Variants in CBFA2T2 observed in about 807,000 individuals in gnomAD.
CBFA2T2 encodes the protein protein CBFA2T2.
CBFA2T2 carries 11 observed loss-of-function variants against 62.2 expected under a neutral mutation model. That is an observed-to-expected ratio of 0.18 (90% CI 0.11 to 0.29). The LOEUF (loss-of-function observed/expected upper bound fraction) is 0.29. Ranked by LOEUF, CBFA2T2 falls within the 10% of genes least tolerant of loss-of-function variation. The pLI is 1.00. For missense variants in CBFA2T2, 592 were observed against 774.1 expected (o/e 0.76, Z 2.79); for synonymous variants, 295 against 287.5 (o/e 1.03, Z -0.27).
At chr20:33,602,451 A>C (rs928792676) in intron 1 of CBFA2T2, among the ~76,000 whole-genome samples, 4 of 151,210 alleles carry the variant, frequency 2.6e-5, no homozygotes, top group Non-Finnish European at 4.4e-5. Context: ...AAAAAAAAAA[A>C]AACTCAAAAG....
At chr20:33,499,459 G>A (rs1018744028) in intron 1 of CBFA2T2, among the ~76,000 whole-genome samples, 1 of 152,180 alleles carries the variant, frequency 6.6e-6, no homozygotes, top group Non-Finnish European at 1.5e-5. Context: ...TTACATGTGC[G>A]ACATGAGCTA....
intron 1 of CBFA2T2, among the ~76,000 whole-genome samples, chr20:33,515,794 T>G (rs1301901265): frequency 1.3e-5 from 1 of 74,632 alleles, no homozygotes; most frequent in East Asian, 4.4e-4. Context: ...AGAGGGAGAC[T>G]CCATCTCAAA....
chr20:33,522,091 G>T (rs1043300618), intron 1 of CBFA2T2, among the ~76,000 whole-genome samples: 1 of 152,020 alleles, frequency 6.6e-6, no homozygotes, highest in African/African-American at 2.4e-5. Context: ...CAGGTTCCAT[G>T]CACTGAAGAA....
chr20:33,623,253 C>T lies in CBFA2T2; in HGVS notation c.649C>T (p.Leu217Phe), dbSNP rs977767830. The change falls in exon 5 of 11, where the codon CTC (leucine) becomes TTC (phenylalanine). Residue 217 changes from leucine (L) to phenylalanine (F), a missense_variant. This residue lies in a region of CBFA2T2 where 449 missense variants were observed against 551.2 expected (regional missense o/e 0.81). Transcript: ENST00000342704. ...IASPADSSEL[L>F]MEVHGNGKRP... is the part of the protein sequence containing the mutation. The stretch of plus-strand genomic sequence containing the variant: ...ATCGCCTGCTGACTCGTCAGAGTTG[C>T]TCATGGAGGTGCACGGAAATGGGAA... 6.2e-7 allele frequency: 1 copy of T among 1,614,220 alleles called. No individual in the cohort carries two copies. The highest frequency in any genetic ancestry group is 1.3e-5 in the African/African-American group (1 of 75,060).
chr20:33,523,031 G>A (rs1600926414), intron 1 of CBFA2T2, among the ~76,000 whole-genome samples: 1 of 152,146 alleles, frequency 6.6e-6, no homozygotes, highest in South Asian at 2.1e-4. Context: ...TTGGCTAGTT[G>A]TATACTTATC....
chr20:33,514,213 T>G (rs1046092967), intron 1 of CBFA2T2, among the ~76,000 whole-genome samples: 4 of 125,682 alleles, frequency 3.2e-5, no homozygotes, highest in African/African-American at 8.9e-5. Context: ...TTTGTTTTTT[T>G]TTTTTTTTTT....
intron 1 of CBFA2T2, among the ~76,000 whole-genome samples, chr20:33,581,243 G>C (rs1043649205): frequency 6.6e-6 from 1 of 152,088 alleles, no homozygotes; most frequent in Non-Finnish European, 1.5e-5. Flanking sequence ...ATTTTTAGTA[G>C]AGATGGGGTT....
rs1194371966 is a variant in CBFA2T2 at position 33,611,103 on chromosome 20, G to T, written c.188G>T (p.Gly63Val). ...TTTGGCTTTCTTTTAGTAAGCAATG[G>T]CATCAACCATTCTCCTCCTACCCTG... is the stretch of plus-strand genomic sequence containing the variant. ...VSFTPTALSNGINHSPPTLNG... is the reference protein window; with the variant it reads ...VSFTPTALSNVINHSPPTLNG... The change falls in exon 3 of 11, where the codon GGC (glycine) becomes GTC (valine). Residue 63 changes from glycine to valine, a missense_variant. Coordinates refer to ENST00000342704, the MANE Select transcript of CBFA2T2 (RefSeq NM_001032999.3). The T allele has an allele frequency of 1.9e-6, 3 of 1,613,954 alleles. No homozygotes were observed.
chr20:33,590,425 T>A, intron 1 of CBFA2T2, among the ~76,000 whole-genome samples: 1 of 152,212 alleles, frequency 6.6e-6, no homozygotes, highest in Middle Eastern at 3.4e-3. Context: ...CATCTAGCTT[T>A]GTTTTTTTTT....
chr20:33,611,408 A>G, intron 3 of CBFA2T2, 73 bp downstream of exon 3: 1 of 1,563,012 alleles, frequency 6.4e-7, no homozygotes, highest in Non-Finnish European at 8.7e-7. Context: ...AAAGTTCTAG[A>G]TATTTCTGCT....
intron 1 of CBFA2T2, among the ~76,000 whole-genome samples, chr20:33,565,801 C>T (rs755271747): frequency 6.6e-6 from 1 of 152,080 alleles, no homozygotes; most frequent in Non-Finnish European, 1.5e-5. Context: ...ATTTTCATAG[C>T]GAGGGTCCTT....
In CBFA2T2 at chr20:33,513,365, G is replaced by T. The variant is rs111578137; in HGVS notation, c.34+23064G>T. Among the ~76,000 whole-genome samples, 302 of 143,594 alleles carry T rather than the reference G, an allele frequency of 2.1e-3. 2 individuals carry two copies. The highest frequency in any genetic ancestry group is 3.7e-3 in the Non-Finnish European group (239 of 65,106). The allele number at this position is 143,594 out of a possible 152,430, so 94.2% of individuals were successfully genotyped here. ...AATGGGTTTTTTTGTTTTTTTTTTG[G>T]TTTTTTTTTTTGAGATAGAGTCTCA... On this transcript the variant is annotated intron_variant, in intron 1 of 10. Transcript: ENST00000342704.
At chr20:33,633,843 C>G (rs1032706474) in intron 8 of CBFA2T2, among the ~76,000 whole-genome samples, 8 of 151,958 alleles carry the variant, frequency 5.3e-5, no homozygotes, top group Non-Finnish European at 1.2e-4. Flanking sequence ...GTTGCTGGTA[C>G]TGTTCTGTTT....
intron 1 of CBFA2T2, among the ~76,000 whole-genome samples, chr20:33,492,809 C>T (rs894639097): frequency 1.3e-5 from 2 of 152,218 alleles, no homozygotes; most frequent in African/African-American, 4.8e-5. Flanking sequence ...CTTTGCCTGG[C>T]CTTTTTTAGT....
Position 33,623,127 on chromosome 20 carries a change from C to T in CBFA2T2, c.523C>T (p.Leu175=), listed in dbSNP as rs766491273. 4.3e-6 allele frequency: 7 copies of T among 1,614,246 alleles called. No homozygotes were observed. Among genetic ancestry groups the T allele is most frequent in the Non-Finnish European group, 5.9e-6 (7 of 1,180,040 alleles). Reference sequence around the variant, plus strand: ...TCTTCCTTTCAAGGCCAACCTGCCCCTGCTGCAGCGGGAACTGCTGCACTG... The same window carrying T: ...TCTTCCTTTCAAGGCCAACCTGCCCTTGCTGCAGCGGGAACTGCTGCACTG... The part of the protein sequence containing the change: ...VIPFLKANLP[L]LQRELLHCAR... The change falls in exon 5 of 11, where the codon CTG becomes TTG. Residue 175 remains leucine, a synonymous_variant. Coordinates refer to ENST00000342704, the MANE Select transcript of CBFA2T2 (RefSeq NM_001032999.3).
Position 33,547,671 on chromosome 20 carries a change from A to G in CBFA2T2, c.34+57370A>G, listed in dbSNP as rs553640857. On this transcript the variant is annotated intron_variant, in intron 1 of 10. Transcript: ENST00000342704. ...ACTCCAGCTTGGGCAACAGAGCGAG[A>G]CCCTGTCTCAAAAAAATGTGTGTGT... Among the ~76,000 whole-genome samples the G allele has an allele frequency of 4.0e-5, 6 of 148,618 alleles. No individual in the cohort carries two copies. In the East Asian group the frequency reaches 1.0e-3, roughly 25 times the overall value.
At chr20:33,519,948 A>ACCAG (rs1301047434) in intron 1 of CBFA2T2, among the ~76,000 whole-genome samples, 1 of 152,028 alleles carries the variant, frequency 6.6e-6, no homozygotes, top group Non-Finnish European at 1.5e-5. Flanking sequence ...GGAGTTCGAG[A>ACCAG]CCAGCCTGAC....
chr20:33,641,149 C>T (rs1184937439), intron 10 of CBFA2T2, among the ~76,000 whole-genome samples: 2 of 152,090 alleles, frequency 1.3e-5, no homozygotes, highest in African/African-American at 4.8e-5. Context: ...TCTCCTGCCT[C>T]AGCCTCCCGA....
At position 33,562,643 on chromosome 20, in the gene CBFA2T2, A is replaced by G. The variant is rs2013131450; in HGVS notation, c.35-44313A>G. On this transcript the variant is annotated intron_variant, in intron 1 of 10. Coordinates refer to ENST00000342704, the MANE Select transcript of CBFA2T2 (RefSeq NM_001032999.3). ...TTCAAATAAATTTGGTGTATTTAAG[A>G]ATCTGGATTGTTTATAATTTGGGCA... The G allele has an allele frequency of 9.1e-6, 9 of 985,532 alleles. No homozygotes were observed. The South Asian group carries it at 4.2e-4, about 46-fold the overall frequency. 61.0% of individuals were successfully genotyped at this position (985,532 alleles called of 1,614,324 possible). A position where few individuals can be genotyped will look rare whatever the true frequency, so the allele number is the denominator to read the frequency against.
Sources: gnomAD v4.1 joint callset for allele counts (sites outside exome capture counted in the v4.1 genomes callset) on GRCh38, gnomAD v4.1.1 for gene constraint, gnomAD v4.1.1 regional missense constraint, MANE v1.5 for transcripts, NCBI Gene and HGNC (gene_info 2026-07-23, HGNC 2026-07-21) for gene names.